The following P2RX2 variants were observed in gnomAD, a reference collection of about 807,000 sequenced individuals.
The protein encoded by P2RX2 is purinergic receptor P2X 2, also known as P2X purinoceptor 2.
Under a neutral mutation model 54.8 loss-of-function variants are expected in P2RX2, and 50 were observed. The observed-to-expected ratio is 0.91, with a 90% CI of 0.73 to 1.15. The LOEUF is 1.15. Ranked by LOEUF, P2RX2 falls within the 50% of genes most tolerant of loss-of-function variation. The pLI, the probability that P2RX2 is intolerant of heterozygous loss-of-function variation, is 0.00. For synonymous variants in P2RX2, 289 were observed against 259.4 expected (o/e 1.11, Z -1.09); for missense variants, 658 against 633.2 (o/e 1.04, Z -0.42).
chr12:132,620,661 T>C (rs2041624890), intron 7 of P2RX2, 78 bp downstream of exon 7: 2 of 1,439,664 alleles, frequency 1.4e-6, no homozygotes. Context: ...AGGGGACCAG[T>C]CCCTCCTCCC....
Position 132,622,090 on chromosome 12 carries a change from C to A in P2RX2, c.*118C>A. On this transcript the variant is annotated 3_prime_UTR_variant, in exon 11 of 11. Transcript: ENST00000643471. Reference sequence around the variant, plus strand: ...AGCGGAGCATCTCCACGAAACGGGGCACCACAGGATCCCTGTGCAAGGGCT... The same window carrying A: ...AGCGGAGCATCTCCACGAAACGGGGAACCACAGGATCCCTGTGCAAGGGCT... 1.3e-6 allele frequency: 2 copies of A among 1,542,678 alleles called. No individual in the cohort carries two copies. The highest frequency in any genetic ancestry group is 1.7e-6 in the Non-Finnish European group (2 of 1,150,632).
rs2138380866 is a variant in P2RX2, at chr12:132,620,869, GGA to G, written c.775-131_775-130del. Reference sequence around the variant, plus strand: ...CAGTGCACACCTCACATGCAGCCTGGGACTGACCCGGGCTCTCGAGGGGCCTC... The same window carrying G: ...CAGTGCACACCTCACATGCAGCCTGGCTGACCCGGGCTCTCGAGGGGCCTC... On this transcript the variant is annotated intron_variant, in intron 7 of 10. Transcript: ENST00000643471. 9.1e-6 allele frequency: 9 copies of G among 988,112 alleles called. No homozygotes were observed. The South Asian group carries it at 9.5e-5, about 10-fold the overall frequency. 61.2% of individuals were successfully genotyped at this position (988,112 alleles called of 1,614,324 possible).
intron 7 of P2RX2, 123 bp from the exon 8 acceptor site, chr12:132,620,874 GACCC>G (rs2138381054): frequency 8.2e-6 from 8 of 971,148 alleles, no homozygotes; most frequent in South Asian, 4.8e-5. Flanking sequence ...GCCTGGGACT[GACCC>G]GGGCTCTCGA....
At chr12:132,620,655 G>A (rs1408144839) in intron 7 of P2RX2, 72 bp downstream of exon 7, 3 of 1,502,956 alleles carry the variant, frequency 2.0e-6, no homozygotes, top group Non-Finnish European at 2.7e-6. Context: ...GGGTACAGGG[G>A]ACCAGTCCCT....
At position 132,620,482 on chromosome 12, in the gene P2RX2, C is replaced by G. The variant is rs202099523; in HGVS notation, c.673C>G (p.Arg225Gly). 5.7e-5 allele frequency: 92 copies of G among 1,613,924 alleles called. No homozygotes were observed. The highest frequency in any genetic ancestry group is 3.3e-4 in the Middle Eastern group (2 of 6,084). ...IADRTDGYLK[R>G]CTFHEASDLY... ...CGACCGCACAGACGGGTACCTGAAG[C>G]GCTGCACGTTCCACGAGGCCTCCGA... The change falls in exon 7 of 11, where the codon CGC becomes GGC. Residue 225 changes from arginine to glycine, a missense_variant. Physicochemically the swap from Arg to Gly is moderately radical, Grantham distance 125. Transcript: ENST00000643471.
At chr12:132,620,154 A>G in intron 5 of P2RX2, 58 bp downstream of exon 5, 1 of 1,514,644 alleles carries the variant, frequency 6.6e-7, no homozygotes, top group Non-Finnish European at 9.0e-7. Flanking sequence ...TCCCCTGACC[A>G]GAGGCCAAAC....
chr12:132,621,620 G>A lies in P2RX2; in HGVS notation c.1064G>A (p.Gly355Asp). 2 of 1,612,880 alleles carry A rather than the reference G, an allele frequency of 1.2e-6. No individual in the cohort carries two copies. The highest frequency in any genetic ancestry group is 1.3e-5 in the African/African-American group (1 of 75,008). ...LATALTSVGV[G>D]SFLCDWILLT... Reference sequence around the variant, plus strand: ...CACACCGGTCTCTGCTGGCCCCAGGGCTCCTTCCTGTGCGACTGGATCTTG... The same window carrying A: ...CACACCGGTCTCTGCTGGCCCCAGGACTCCTTCCTGTGCGACTGGATCTTG... Residue 355 changes from glycine (G) to aspartate (D), a missense_variant and splice_region_variant, in exon 11 of 11, where the codon GGC (glycine) becomes GAC (aspartate). Coordinates refer to ENST00000643471, the MANE Select transcript of P2RX2 (RefSeq NM_170682.4).
chr12:132,621,436 G>A lies in P2RX2; in HGVS notation c.997-39G>A, dbSNP rs374044513. 1.1e-4 allele frequency: 171 copies of A among 1,579,922 alleles called. No homozygotes were observed. In the African/African-American group the frequency reaches 1.4e-3, roughly 13 times the overall value. On this transcript the variant is annotated intron_variant, in intron 9 of 10. Coordinates refer to ENST00000643471, the MANE Select transcript of P2RX2 (RefSeq NM_170682.4). The stretch of plus-strand genomic sequence containing the variant: ...ACCCCTCCCTTAAGCCCCATCAGAC[G>A]CCGTCAGACATTCTGACCACGACCC...
rs780672257 is a variant in P2RX2 at position 132,620,515 on chromosome 12, T to G, written c.706T>G (p.Cys236Gly). The G allele has an allele frequency of 3.1e-6, 5 of 1,613,476 alleles. No individual in the cohort carries two copies. The highest frequency in any genetic ancestry group is 4.2e-6 in the Non-Finnish European group (5 of 1,179,718). The change falls in exon 7 of 11, where the codon TGC (cysteine) becomes GGC (glycine). Residue 236 changes from cysteine (C) to glycine (G), a missense_variant. Physicochemically the swap from Cys to Gly is radical, Grantham distance 159. Transcript: ENST00000643471. ...GTTCCACGAGGCCTCCGACCTCTACTGCCCCATCTTCAAGCTGGGCTTTAT... is the reference window on the plus strand; with the variant it reads ...GTTCCACGAGGCCTCCGACCTCTACGGCCCCATCTTCAAGCTGGGCTTTAT... ...CTFHEASDLY[C>G]PIFKLGFIVE...
Position 132,622,189 on chromosome 12 carries a change from C to T in P2RX2, c.*217C>T. The T allele has an allele frequency of 7.0e-7, 1 of 1,422,706 alleles. No homozygotes were observed. The highest frequency in any genetic ancestry group is 1.4e-5 in the African/African-American group (1 of 69,370). The allele number at this position is 1,422,706 out of a possible 1,614,324, so 88.1% of individuals were successfully genotyped here. A position where few individuals can be genotyped will look rare whatever the true frequency, so the allele number is the denominator to read the frequency against. On this transcript the variant is annotated 3_prime_UTR_variant, in exon 11 of 11. Transcript: ENST00000643471. Reference sequence around the variant, plus strand: ...CCTGACACCTCCTCCCCAGCTGGTCCCTACAGGGCTGCTCACTTCCCATCA... The same window carrying T: ...CCTGACACCTCCTCCCCAGCTGGTCTCTACAGGGCTGCTCACTTCCCATCA...
At chr12:132,621,159 C>T (rs1242256415) in intron 8 of P2RX2, 28 bp downstream of exon 8, 1 of 1,613,968 alleles carries the variant, frequency 6.2e-7, no homozygotes, top group Non-Finnish European at 8.5e-7. Flanking sequence ...CCGCTGTCCA[C>T]ACTGGCATAG....
chr12:132,622,085 C>T lies in P2RX2; in HGVS notation c.*113C>T, dbSNP rs749237532. 121 of 1,546,480 alleles carry T rather than the reference C, an allele frequency of 7.8e-5. No individual in the cohort carries two copies. Among genetic ancestry groups the T allele is most frequent in the Non-Finnish European group, 9.1e-5 (105 of 1,152,088 alleles). On this transcript the variant is annotated 3_prime_UTR_variant, in exon 11 of 11. Coordinates refer to ENST00000643471, the MANE Select transcript of P2RX2 (RefSeq NM_170682.4). ...TCAGTAGCGGAGCATCTCCACGAAACGGGGCACCACAGGATCCCTGTGCAA... is the reference window on the plus strand; with the variant it reads ...TCAGTAGCGGAGCATCTCCACGAAATGGGGCACCACAGGATCCCTGTGCAA...
chr12:132,618,965 TG>T lies in P2RX2; in HGVS notation c.150del (p.Leu51SerfsTer49). ...RLGVLYRAVQ[L>X]LILLYFVWYV... ...GGGGTCCTGTACCGCGCCGTGCAGCTGCTCATCCTGCTCTACTTCGTGTGGT... is the reference window on the plus strand; with the variant it reads ...GGGGTCCTGTACCGCGCCGTGCAGCTCTCATCCTGCTCTACTTCGTGTGGT... On this transcript the variant is annotated frameshift_variant, in exon 1 of 11. Coordinates refer to ENST00000643471, the MANE Select transcript of P2RX2 (RefSeq NM_170682.4). LOFTEE classifies it high-confidence loss of function. The T allele has an allele frequency of 7.9e-7, 1 of 1,263,180 alleles. No homozygotes were observed. The highest frequency in any genetic ancestry group is 1.0e-6 in the Non-Finnish European group (1 of 991,808). 78.2% of individuals were successfully genotyped at this position (1,263,180 alleles called of 1,614,324 possible). A position where few individuals can be genotyped will look rare whatever the true frequency, so the allele number is the denominator to read the frequency against.
At chr12:132,621,183 C>T in intron 8 of P2RX2, 52 bp downstream of exon 8, 1 of 1,613,886 alleles carries the variant, frequency 6.2e-7, no homozygotes, top group Non-Finnish European at 8.5e-7. Flanking sequence ...TGGTGGGGTC[C>T]CGAGAGGCCC....
rs770608674 is a variant in P2RX2, at chr12:132,619,450, T to C, written c.185T>C (p.Ile62Thr). Residue 62 changes from isoleucine (I) to threonine (T), a missense_variant, in exon 2 of 11, where the codon ATC (isoleucine) becomes ACC (threonine). Ile to Thr is a moderately conservative substitution (Grantham distance 89). Transcript: ENST00000643471. ...ILLYFVWYVF[I>T]VQKSYQESET... The stretch of plus-strand genomic sequence containing the variant: ...GCCCCTGCCCGCAGGTACGTATTCA[T>C]CGTGCAGAAAAGCTACCAGGAGAGC... The C allele has an allele frequency of 6.2e-6, 10 of 1,611,996 alleles. No individual in the cohort carries two copies. The highest frequency in any genetic ancestry group is 7.6e-6 in the Non-Finnish European group (9 of 1,179,298).
chr12:132,620,028 T>C lies in P2RX2; in HGVS notation c.486T>C (p.Tyr162=). ...NGLRTGRCVP[Y]YQGPSKTCEV... is the part of the protein sequence containing the mutation. ...TGAGGACTGGGCGCTGTGTGCCCTA[T>C]TACCAGGGGCCCTCCAAGACCTGCG... Residue 162 remains tyrosine (Y), a synonymous_variant, in exon 5 of 11, where the codon TAT becomes TAC. Coordinates refer to ENST00000643471, the MANE Select transcript of P2RX2 (RefSeq NM_170682.4). 1 of 1,588,982 alleles carries C rather than the reference T, an allele frequency of 6.3e-7. No homozygotes were observed. The highest frequency in any genetic ancestry group is 1.3e-5 in the African/African-American group (1 of 74,740).
rs2041729697 is a variant in P2RX2, at chr12:132,622,179, C to G, written c.*207C>G. The G allele has an allele frequency of 7.0e-7, 1 of 1,432,830 alleles. No homozygotes were observed. The highest frequency in any genetic ancestry group is 1.4e-5 in the African/African-American group (1 of 69,588). The allele number at this position is 1,432,830 out of a possible 1,614,324, so 88.8% of individuals were successfully genotyped here. ...GCATACAGCCCCTGACACCTCCTCC[C>G]CAGCTGGTCCCTACAGGGCTGCTCA... On this transcript the variant is annotated 3_prime_UTR_variant, in exon 11 of 11. Transcript: ENST00000643471.
intron 5 of P2RX2, 47 bp from the exon 6 acceptor site, chr12:132,620,220 G>A (rs773734251): frequency 3.8e-6 from 6 of 1,569,668 alleles, no homozygotes; most frequent in Non-Finnish European, 1.8e-6. Flanking sequence ...GCCAGGCGGG[G>A]GCTTTGCGGG....
In P2RX2 at chr12:132,621,435, C is replaced by T. The variant is rs4883632; in HGVS notation, c.997-40C>T. ...CACCCCTCCCTTAAGCCCCATCAGACGCCGTCAGACATTCTGACCACGACC... is the reference window on the plus strand; with the variant it reads ...CACCCCTCCCTTAAGCCCCATCAGATGCCGTCAGACATTCTGACCACGACC... On this transcript the variant is annotated intron_variant, in intron 9 of 10. Transcript: ENST00000643471. 0.5 allele frequency: 782,615 copies of T among 1,580,694 alleles called. 197,467 individuals carry two copies. The highest frequency in any genetic ancestry group is 0.8 in the East Asian group (35,393 of 44,436).
Sources: gnomAD v4.1 joint callset for allele counts on GRCh38, gnomAD v4.1.1 for gene constraint, MANE v1.5 for transcripts, NCBI Gene and HGNC (gene_info 2026-07-23, HGNC 2026-07-21) for gene names.